Variants in FNTB observed in about 807,000 individuals in gnomAD.
FNTB encodes the protein farnesyltransferase, CAAX box, subunit beta.
A neutral mutation model predicts 59.4 loss-of-function variants in FNTB; 27 were observed. That is an observed-to-expected ratio of 0.45 (90% CI 0.34 to 0.63). The LOEUF (loss-of-function observed/expected upper bound fraction) is 0.63. Among genes scored for constraint, FNTB ranks in the 20% least tolerant of loss-of-function variants. FNTB has a pLI of 0.02. For synonymous variants in FNTB, 230 were observed against 220.7 expected (o/e 1.04, Z -0.37); for missense variants, 449 against 559.6 (o/e 0.80, Z 1.99).
chr14:65,038,458 A>T (rs1036640507), intron 7 of FNTB, among the ~76,000 whole-genome samples: 3 of 144,680 alleles, frequency 2.1e-5, no homozygotes, highest in Non-Finnish European at 4.6e-5. Context: ...AGTGGCTCAT[A>T]CCTGTAATCC....
chr14:65,003,164 C>T (rs1424660797), intron 1 of FNTB, among the ~76,000 whole-genome samples: 1 of 152,172 alleles, frequency 6.6e-6, no homozygotes, highest in Non-Finnish European at 1.5e-5. Flanking sequence ...TGTGACCTGA[C>T]TTTCTGAGAT....
rs184826320 is a variant in FNTB, at chr14:65,029,452, T to G, written c.605+1671T>G. On this transcript the variant is annotated intron_variant, in intron 6 of 11. Transcript: ENST00000246166. This position sits in a 1 kb window ranked among gnomAD's most constrained non-coding sequence, Gnocchi z 4.7. ...GTCTCTGGATGATCTTTCTGCTCTGTTACACTGCTGATAGTTTCAGAGATG... is the reference window on the plus strand; with the variant it reads ...GTCTCTGGATGATCTTTCTGCTCTGGTACACTGCTGATAGTTTCAGAGATG... 2.4e-4 allele frequency among the ~76,000 whole-genome samples: 37 copies of G among 152,360 alleles called. No homozygotes were observed. Among genetic ancestry groups the G allele is most frequent in the African/African-American group, 8.7e-4 (36 of 41,594 alleles).
Position 65,053,227 on chromosome 14 carries a change from C to T in FNTB, c.956-11C>T. 1.5e-6 allele frequency: 2 copies of T among 1,367,780 alleles called. No individual in the cohort carries two copies. The highest frequency in any genetic ancestry group is 3.0e-5 in the African/African-American group (2 of 67,154). The allele number at this position is 1,367,780 out of a possible 1,614,324, so 84.7% of individuals were successfully genotyped here. ...CTGCCGGGCCCTTACTGACCCTTTGCCCTTCAACAGGTGACCCTGCCCTTA... is the reference window on the plus strand; with the variant it reads ...CTGCCGGGCCCTTACTGACCCTTTGTCCTTCAACAGGTGACCCTGCCCTTA... On this transcript the variant is annotated splice_polypyrimidine_tract_variant and intron_variant, in intron 9 of 11. Coordinates refer to ENST00000246166, the MANE Select transcript of FNTB (RefSeq NM_002028.4).
intron 9 of FNTB, among the ~76,000 whole-genome samples, chr14:65,045,053 C>G (rs1489290372): frequency 6.6e-6 from 1 of 152,124 alleles, no homozygotes; most frequent in East Asian, 1.9e-4. Context: ...TAGAGAAATC[C>G]ACGTTCGTTT....
chr14:65,053,133 G>A, intron 9 of FNTB, 105 bp from the exon 10 acceptor site: 2 of 825,980 alleles, frequency 2.4e-6, no homozygotes, highest in Non-Finnish European at 3.3e-6. Flanking sequence ...GAAGAGGAAG[G>A]GGAGCAGGAA....
In FNTB at chr14:65,012,809, A is replaced by G. The variant is rs1239115678; in HGVS notation, c.282+420A>G. On this transcript the variant is annotated intron_variant, in intron 3 of 11. Coordinates refer to ENST00000246166, the MANE Select transcript of FNTB (RefSeq NM_002028.4). This position sits in a 1 kb window ranked among gnomAD's most constrained non-coding sequence, Gnocchi z 5.0. ...TATCGTGATGGTTACAAATTTTCCA[A>G]CTTCACCACTCCTTCTAGTAAGTAC... Among the ~76,000 whole-genome samples, 1 of 152,180 alleles carries G rather than the reference A, an allele frequency of 6.6e-6. No homozygotes were observed. The highest frequency in any genetic ancestry group is 2.4e-5 in the African/African-American group (1 of 41,442).
chr14:65,017,280 T>C (rs1191982876), intron 4 of FNTB, among the ~76,000 whole-genome samples: 1 of 152,124 alleles, frequency 6.6e-6, no homozygotes, highest in Non-Finnish European at 1.5e-5. Context: ...AAGTTTTCCC[T>C]TCACTCCTAC....
At chr14:65,045,659 G>A (rs143991670) in intron 9 of FNTB, among the ~76,000 whole-genome samples, 15,151 of 152,100 alleles carry the variant, frequency 0.1, 1,003 homozygotes, top group Admixed American at 0.17. Flanking sequence ...CAGGTGATCC[G>A]CCCACTTCGG....
intron 4 of FNTB, chr14:65,022,078 A>G (rs2139553937): frequency 2.2e-6 from 1 of 456,002 alleles, no homozygotes. Context: ...TCAACAAGAG[A>G]TGCTGCCCGT....
At chr14:65,020,237 G>A (rs2061859563) in intron 4 of FNTB, among the ~76,000 whole-genome samples, 2 of 152,182 alleles carry the variant, frequency 1.3e-5, no homozygotes, top group Non-Finnish European at 2.9e-5. Context: ...GTTACTGCTG[G>A]TATCAGAGGT....
chr14:65,016,176 G>A (rs1422442528), intron 4 of FNTB, among the ~76,000 whole-genome samples: 1 of 152,126 alleles, frequency 6.6e-6, no homozygotes, highest in Non-Finnish European at 1.5e-5. Context: ...CTCTTGATGG[G>A]ACTGGATGTG....
At chr14:65,024,649 A>G (rs2061947803) in intron 4 of FNTB, among the ~76,000 whole-genome samples, 1 of 152,236 alleles carries the variant, frequency 6.6e-6, no homozygotes, top group African/African-American at 2.4e-5. Flanking sequence ...TTCTAAAGGA[A>G]TGATTTTGTG....
At chr14:65,045,400 C>T (rs2062453269) in intron 9 of FNTB, among the ~76,000 whole-genome samples, 1 of 142,624 alleles carries the variant, frequency 7.0e-6, no homozygotes, top group Non-Finnish European at 1.5e-5. Flanking sequence ...TCTGAGCCCC[C>T]CACCCCCCGT....
intron 4 of FNTB, among the ~76,000 whole-genome samples, chr14:65,021,755 C>T (rs1350636669): frequency 6.6e-6 from 1 of 152,194 alleles, no homozygotes; most frequent in African/African-American, 2.4e-5. Context: ...AAGCGATTCT[C>T]GTGCTTCAGC....
rs761412859 is a variant in FNTB, at chr14:65,012,269, G to C, written c.210-48G>C. 1.2e-6 allele frequency: 2 copies of C among 1,611,366 alleles called. No homozygotes were observed. Among genetic ancestry groups the C allele is most frequent in the African/African-American group, 2.7e-5 (2 of 74,856 alleles). ...GTACGTGCACATACGTGTGTATGGT[G>C]GAAGCATAAGCTATTAGAATGGGCT... On this transcript the variant is annotated intron_variant, in intron 2 of 11. Transcript: ENST00000246166. The surrounding 1 kb of genome is among the most constrained non-coding windows in gnomAD (Gnocchi z 5.0).
chr14:64,994,811 T>C lies in FNTB; in HGVS notation c.144+7714T>C, dbSNP rs1888332982. On this transcript the variant is annotated intron_variant, in intron 1 of 11. Transcript: ENST00000246166. This position sits in a 1 kb window ranked among gnomAD's most constrained non-coding sequence, Gnocchi z 4.2. ...CTGTACACTTGTTACTGAGCAGACA[T>C]TATGAAAAATAAAAATAAACACGGT... Among the ~76,000 whole-genome samples, 1 of 152,096 alleles carries C rather than the reference T, an allele frequency of 6.6e-6. No homozygotes were observed. The highest frequency in any genetic ancestry group is 2.1e-4 in the South Asian group (1 of 4,828).
chr14:65,054,738 G>A lies in FNTB; in HGVS notation c.1182+49G>A. On this transcript the variant is annotated intron_variant, in intron 11 of 11. Transcript: ENST00000246166. This position sits in a 1 kb window ranked among gnomAD's most constrained non-coding sequence, Gnocchi z 4.4. ...ACCCCTTCTCCACAGGGACCTCGCG[G>A]ACAGAAGGCTTTCCAAGTAAGCAGA... 1 of 1,550,136 alleles carries A rather than the reference G, an allele frequency of 6.5e-7. No homozygotes were observed. The highest frequency in any genetic ancestry group is 8.8e-7 in the Non-Finnish European group (1 of 1,142,440).
intron 1 of FNTB, among the ~76,000 whole-genome samples, chr14:65,002,712 T>G (rs2061536595): frequency 6.6e-6 from 1 of 152,116 alleles, no homozygotes; most frequent in Non-Finnish European, 1.5e-5. Context: ...AATCCTCAAA[T>G]CCCTCCTTGA....
intron 9 of FNTB, among the ~76,000 whole-genome samples, chr14:65,051,899 A>G (rs1238336363): frequency 6.6e-6 from 1 of 150,464 alleles, no homozygotes; most frequent in Non-Finnish European, 1.5e-5. Context: ...GGTTCACGCC[A>G]TTCTCCTGCC....
Sources: allele counts gnomAD v4.1 joint callset (sites outside exome capture counted in the v4.1 genomes callset), GRCh38; gene constraint gnomAD v4.1.1; non-coding constraint Gnocchi (gnomAD v3.1); transcripts MANE v1.5; gene names NCBI Gene and HGNC (gene_info 2026-07-23, HGNC 2026-07-21).